THSD7B: variants seen among roughly 807,000 people sequenced by gnomAD.
THSD7B encodes the protein thrombospondin type-1 domain-containing protein 7B.
In THSD7B, 138 loss-of-function variants were observed where a neutral mutation model predicts 213.6. The ratio of observed to expected loss-of-function variants is 0.65; its 90% confidence interval spans 0.56 to 0.74. The LOEUF is 0.74. THSD7B is among the 30% of genes least tolerant of loss of function. The pLI is 0.00. For synonymous variants in THSD7B, 742 were observed against 687.0 expected (o/e 1.08, Z -1.25); for missense variants, 1,931 against 1,991.5 (o/e 0.97, Z 0.58).
chr2:136,842,511 G>C (rs994120772), intron 1 of THSD7B, among the ~76,000 whole-genome samples: 3 of 152,176 alleles, frequency 2.0e-5, no homozygotes, highest in African/African-American at 7.2e-5. Context: ...TCAGTGAGGT[G>C]ATTTCAGGGA....
intron 10 of THSD7B, among the ~76,000 whole-genome samples, chr2:137,244,448 ATTACT>A (rs1414916881): frequency 2.0e-5 from 3 of 152,140 alleles, no homozygotes; most frequent in African/African-American, 7.2e-5. Context: ...GTGACCAGAG[ATTACT>A]TTAGCCACTG....
intron 12 of THSD7B, among the ~76,000 whole-genome samples, chr2:137,365,398 A>C (rs1028208466): frequency 3.3e-5 from 5 of 152,234 alleles, no homozygotes; most frequent in East Asian, 1.9e-4. Flanking sequence ...AATGGGATCT[A>C]AGTAAACTAA....
At chr2:136,793,790 A>G (rs901983413) in intron 1 of THSD7B, among the ~76,000 whole-genome samples, 2 of 151,948 alleles carry the variant, frequency 1.3e-5, no homozygotes, top group African/African-American at 2.4e-5. Flanking sequence ...GCCTCATAAC[A>G]TAAATTGGAA....
At chr2:136,946,700 C>T (rs981479171) in intron 2 of THSD7B, among the ~76,000 whole-genome samples, 5 of 152,230 alleles carry the variant, frequency 3.3e-5, no homozygotes, top group African/African-American at 1.2e-4. Context: ...GTGGACACCC[C>T]TCCGCCTGCT....
At chr2:136,958,840 T>C (rs959710889) in intron 2 of THSD7B, among the ~76,000 whole-genome samples, 1 of 152,164 alleles carries the variant, frequency 6.6e-6, no homozygotes, top group Non-Finnish European at 1.5e-5. Flanking sequence ...GCCCCCAAAG[T>C]GAGCTGAATT....
intron 2 of THSD7B, among the ~76,000 whole-genome samples, chr2:136,887,528 C>T (rs963404662): frequency 6.6e-6 from 1 of 151,984 alleles, no homozygotes; most frequent in Non-Finnish European, 1.5e-5. Flanking sequence ...TGAGTTCTTG[C>T]TTTATTAGTT....
chr2:137,451,252 T>A (rs1211086112), intron 15 of THSD7B, among the ~76,000 whole-genome samples: 1 of 152,014 alleles, frequency 6.6e-6, no homozygotes, highest in African/African-American at 2.4e-5. Context: ...TAATAATATT[T>A]ACAAAATCAA....
intron 7 of THSD7B, among the ~76,000 whole-genome samples, chr2:137,174,138 G>C (rs1680316675): frequency 6.6e-6 from 1 of 152,118 alleles, no homozygotes. Flanking sequence ...TAATTTGTAA[G>C]GGTAACTTGG....
At chr2:137,312,388 C>A (rs1229582254) in intron 12 of THSD7B, among the ~76,000 whole-genome samples, 2 of 148,558 alleles carry the variant, frequency 1.3e-5, no homozygotes, top group African/African-American at 5.0e-5. Context: ...CTATTTGATT[C>A]TTCTCTCTTT....
At position 137,486,603 on chromosome 2, in the gene THSD7B, G is replaced by A. The variant is rs1322020316; in HGVS notation, c.3138+35580G>A. Among the ~76,000 whole-genome samples, 4 of 149,028 alleles carry A rather than the reference G, an allele frequency of 2.7e-5. No homozygotes were observed. In the South Asian group the frequency reaches 6.4e-4, roughly 24 times the overall value. On this transcript the variant is annotated intron_variant, in intron 15 of 27. Coordinates refer to ENST00000409968, the MANE Select transcript of THSD7B (RefSeq NM_001316349.2). ...GATCAACGAGACAGAAAGTTAACAA[G>A]GATACCCAGGAATTGAACTCAGCTC...
chr2:137,593,060 T>C (rs746899377), intron 17 of THSD7B, among the ~76,000 whole-genome samples: 18 of 151,988 alleles, frequency 1.2e-4, no homozygotes, highest in Non-Finnish European at 2.1e-4. Context: ...CTCAACATAA[T>C]GCCTTTGAGA....
rs139727458 is a variant in THSD7B, at chr2:136,996,377, T to C, written c.140-60043T>C. ...TTTTTTTTCAGACAAGGTCTTGCTT[T>C]GTCATCTTGGCTGGAGTGCCGTGAC... is the stretch of plus-strand genomic sequence containing the variant. On this transcript the variant is annotated intron_variant, in intron 2 of 27. Transcript: ENST00000409968. Among the ~76,000 whole-genome samples, 14 of 152,248 alleles carry C rather than the reference T, an allele frequency of 9.2e-5. No individual in the cohort carries two copies. The East Asian group carries it at 2.3e-3, about 25-fold the overall frequency.
chr2:136,948,897 G>GTAA (rs139549035), intron 2 of THSD7B, among the ~76,000 whole-genome samples: 13,145 of 151,674 alleles, frequency 0.087, 945 homozygotes, highest in African/African-American at 0.2. Context: ...TTCTTATGTG[G>GTAA]TAATAATAAT....
chr2:137,562,594 T>TTGTG (rs72488766), intron 15 of THSD7B, among the ~76,000 whole-genome samples: 71,140 of 144,818 alleles, frequency 0.49, 17,903 homozygotes, highest in Non-Finnish European at 0.57. Flanking sequence ...GTATTTCTCT[T>TTGTG]TGTGTGTGTG....
chr2:136,853,835 G>A (rs775020408), intron 1 of THSD7B, among the ~76,000 whole-genome samples: 5 of 151,834 alleles, frequency 3.3e-5, no homozygotes, highest in Admixed American at 2.0e-4. Flanking sequence ...ATATGGACTC[G>A]TGGATTCCTA....
chr2:137,244,278 T>C (rs757233040), intron 10 of THSD7B, among the ~76,000 whole-genome samples: 8 of 152,204 alleles, frequency 5.3e-5, no homozygotes, highest in Non-Finnish European at 1.2e-4. Context: ...TATTTTAGCT[T>C]CTTATTCATG....
intron 4 of THSD7B, among the ~76,000 whole-genome samples, chr2:137,100,512 G>C (rs1156506958): frequency 2.0e-5 from 3 of 152,024 alleles, no homozygotes; most frequent in Non-Finnish European, 4.4e-5. Flanking sequence ...TGTCCTTTAA[G>C]AGTGCTTAAT....
intron 2 of THSD7B, among the ~76,000 whole-genome samples, chr2:136,942,286 C>T (rs938656532): frequency 2.0e-5 from 3 of 152,108 alleles, no homozygotes; most frequent in African/African-American, 7.2e-5. Context: ...AGCATGATGC[C>T]TCCAGCTTTG....
intron 2 of THSD7B, among the ~76,000 whole-genome samples, chr2:136,993,865 A>G (rs1685832477): frequency 6.6e-6 from 1 of 152,202 alleles, no homozygotes; most frequent in Non-Finnish European, 1.5e-5. Context: ...TGAAAGACAG[A>G]AGGGGAGACA....
Sources: gnomAD v4.1 joint callset for allele counts (sites outside exome capture counted in the v4.1 genomes callset) on GRCh38, gnomAD v4.1.1 for gene constraint, MANE v1.5 for transcripts, NCBI Gene and HGNC (gene_info 2026-07-23, HGNC 2026-07-21) for gene names.